DNER: variants seen among roughly 807,000 people sequenced by gnomAD.
The protein encoded by DNER is delta/notch like EGF repeat containing, also known as delta and Notch-like epidermal growth factor-related receptor.
In DNER, 33 loss-of-function variants were observed where a neutral mutation model predicts 78.2. That is an observed-to-expected ratio of 0.42 (90% CI 0.32 to 0.56). The LOEUF is 0.56. Ranked by LOEUF, DNER falls within the 20% of genes least tolerant of loss-of-function variation. The pLI, the probability that DNER is intolerant of heterozygous loss-of-function variation, is 0.11. For missense variants in DNER, 918 were observed against 975.3 expected, an observed-to-expected ratio of 0.94 and a Z score of 0.78; for synonymous variants, 417 against 384.8, an observed-to-expected ratio of 1.08 and a Z score of -0.98.
intron 5 of DNER, among the ~76,000 whole-genome samples, chr2:229,523,669 T>C (rs955261870): frequency 2.6e-5 from 4 of 152,250 alleles, no homozygotes; most frequent in Admixed American, 2.6e-4. Flanking sequence ...ATTCAAACCA[T>C]ACTATTTCCC....
At chr2:229,486,047 G>A (rs1239842699) in intron 6 of DNER, among the ~76,000 whole-genome samples, 1 of 152,186 alleles carries the variant, frequency 6.6e-6, no homozygotes, top group Non-Finnish European at 1.5e-5. Flanking sequence ...ACCCTGGGGG[G>A]ATCTGAGCAG....
chr2:229,370,885 T>C (rs777449754), intron 11 of DNER, among the ~76,000 whole-genome samples: 3 of 152,144 alleles, frequency 2.0e-5, no homozygotes, highest in African/African-American at 4.8e-5. Flanking sequence ...ATCACATCAA[T>C]TGTGTATACA....
intron 7 of DNER, 132 bp from the exon 8 acceptor site, chr2:229,447,672 A>C: frequency 1.0e-6 from 1 of 1,002,958 alleles, no homozygotes; most frequent in Non-Finnish European, 1.5e-6. Context: ...TCACAACCCA[A>C]CAAGATAGGT....
chr2:229,695,569 T>C (rs901079143), intron 1 of DNER, among the ~76,000 whole-genome samples: 1 of 151,130 alleles, frequency 6.6e-6, no homozygotes, highest in African/African-American at 2.5e-5. Context: ...TTCATTTTCT[T>C]CTGCAGAATT....
chr2:229,384,127 C>T (rs1488517269), intron 11 of DNER, among the ~76,000 whole-genome samples: 1 of 152,194 alleles, frequency 6.6e-6, no homozygotes, highest in Non-Finnish European at 1.5e-5. Flanking sequence ...TGCACAACTA[C>T]ATGGAAACTG....
At chr2:229,477,095 T>C in intron 7 of DNER, 45 bp downstream of exon 7, 1 of 1,486,906 alleles carries the variant, frequency 6.7e-7, no homozygotes, top group Non-Finnish European at 9.3e-7. Flanking sequence ...TAGTTTATGA[T>C]TTAAAATGAA....
intron 7 of DNER, among the ~76,000 whole-genome samples, chr2:229,473,342 T>C (rs1694965106): frequency 6.6e-6 from 1 of 152,250 alleles, no homozygotes; most frequent in Non-Finnish European, 1.5e-5. Flanking sequence ...TATAATGTGA[T>C]TTCTTTTAAA....
At chr2:229,420,486 A>G (rs1216538493) in intron 8 of DNER, among the ~76,000 whole-genome samples, 2 of 152,210 alleles carry the variant, frequency 1.3e-5, no homozygotes, top group Non-Finnish European at 2.9e-5. Context: ...ATATCCAAGA[A>G]GTCATTCCTA....
At chr2:229,623,012 A>G (rs563119627) in intron 1 of DNER, among the ~76,000 whole-genome samples, 20 of 152,290 alleles carry the variant, frequency 1.3e-4, no homozygotes, top group African/African-American at 4.8e-4. Context: ...CATCTGGTCA[A>G]CCGTTGGTTT....
chr2:229,675,711 C>T (rs975373438), intron 1 of DNER, among the ~76,000 whole-genome samples: 15 of 152,344 alleles, frequency 9.8e-5, no homozygotes, highest in Admixed American at 3.9e-4. Context: ...CTGGCCAGTG[C>T]TCTGTCTGCA....
intron 4 of DNER, among the ~76,000 whole-genome samples, chr2:229,563,512 T>A (rs555841881): frequency 8.9e-4 from 128 of 144,020 alleles, no homozygotes; most frequent in Non-Finnish European, 1.4e-3. Context: ...ATCATCAACA[T>A]CATCATCCCA....
intron 9 of DNER, among the ~76,000 whole-genome samples, chr2:229,413,403 A>G (rs1196978185): frequency 7.2e-6 from 1 of 138,662 alleles, no homozygotes; most frequent in African/African-American, 2.7e-5. Context: ...GCTCACTGCA[A>G]TCTCCGCCTC....
Position 229,442,535 on chromosome 2 carries a change from G to T in DNER, c.1486+4781C>A, listed in dbSNP as rs1286240608. Among the ~76,000 whole-genome samples the T allele has an allele frequency of 5.9e-5, 9 of 151,548 alleles. 1 individual carries two copies. The highest frequency in any genetic ancestry group is 2.2e-4 in the African/African-American group (9 of 41,182). On this transcript the variant is annotated intron_variant, in intron 8 of 12. Transcript: ENST00000341772. ...GTCTTAAAAAAAAAAAAAAATGCTG[G>T]TAAACTAGATAAAGTTTTTCTGGTT... is the stretch of plus-strand genomic sequence containing the variant.
chr2:229,388,213 A>C, intron 11 of DNER, 52 bp downstream of exon 11: 1 of 1,549,764 alleles, frequency 6.5e-7, no homozygotes, highest in Non-Finnish European at 8.7e-7. Flanking sequence ...AAAATGCTTA[A>C]GTAACAGCTA....
chr2:229,386,001 C>T (rs151131083), intron 11 of DNER, among the ~76,000 whole-genome samples: 8,898 of 152,144 alleles, frequency 0.058, 307 homozygotes, highest in Middle Eastern at 0.085. Context: ...AAAAAAGAGC[C>T]TGCATAGCCA....
chr2:229,700,680 C>G (rs981339303), intron 1 of DNER, among the ~76,000 whole-genome samples: 1 of 151,340 alleles, frequency 6.6e-6, no homozygotes, highest in Non-Finnish European at 1.5e-5. Context: ...TTTGGGAGGC[C>G]GAGGTGGGCA....
chr2:229,526,023 G>T lies in DNER; in HGVS notation c.994-13087C>A, dbSNP rs187795598. ...TCATTATTTTAATATTGAACAAAAG[G>T]CAGGTTAGATCTAATAAATGTGTTT... On this transcript the variant is annotated intron_variant, in intron 5 of 12. Coordinates refer to ENST00000341772, the MANE Select transcript of DNER (RefSeq NM_139072.4). 2.8e-3 allele frequency among the ~76,000 whole-genome samples: 428 copies of T among 152,190 alleles called. 2 individuals are homozygous for T. Among genetic ancestry groups the T allele is most frequent in the Non-Finnish European group, 4.4e-3 (301 of 68,024 alleles).
Position 229,477,166 on chromosome 2 carries a change from C to T in DNER, c.1235G>A (p.Ser412Asn). Reference sequence around the variant, plus strand: ...TTCTGGACACTGGCAGGTGAATCCACTGAGACTGGAAATGCATGTTGCTCC... The same window carrying T: ...TTCTGGACACTGGCAGGTGAATCCATTGAGACTGGAAATGCATGTTGCTCC... ...RNGATCISSL[S>N]GFTCQCPEGY... Residue 412 changes from serine to asparagine, a missense_variant, in exon 7 of 13, where the codon AGT becomes AAT. Physicochemically the swap from Ser to Asn is conservative, Grantham distance 46. Coordinates refer to ENST00000341772, the MANE Select transcript of DNER (RefSeq NM_139072.4). 6.2e-7 allele frequency: 1 copy of T among 1,613,904 alleles called. No individual in the cohort carries two copies. Among genetic ancestry groups the T allele is most frequent in the South Asian group, 1.1e-5 (1 of 91,058 alleles).
At chr2:229,502,811 G>C (rs1559150423) in intron 6 of DNER, among the ~76,000 whole-genome samples, 2 of 152,196 alleles carry the variant, frequency 1.3e-5, no homozygotes, top group South Asian at 4.1e-4. Context: ...CCTGAAATAA[G>C]GAGACGGCAG....
Sources: allele counts gnomAD v4.1 joint callset (sites outside exome capture counted in the v4.1 genomes callset), GRCh38; gene constraint gnomAD v4.1.1; transcripts MANE v1.5; gene names NCBI Gene and HGNC (gene_info 2026-07-23, HGNC 2026-07-21).